Variants in ANKRD42 observed in about 807,000 individuals in gnomAD.
ANKRD42 encodes ankyrin repeat domain-containing protein 42.
ANKRD42 carries 43 observed loss-of-function variants against 51.5 expected under a neutral mutation model. That is an observed-to-expected ratio of 0.83 (90% CI 0.65 to 1.08). The LOEUF is 1.08. ANKRD42 is among the 50% of genes least tolerant of loss of function. The pLI is 0.00. For synonymous variants in ANKRD42, 203 were observed against 213.0 expected (o/e 0.95, Z 0.41); for missense variants, 608 against 629.3 (o/e 0.97, Z 0.36).
At chr11:83,262,493 A>G (rs1460522353), downstream of ANKRD42, among the ~76,000 whole-genome samples, 1 of 152,190 alleles carries the variant, frequency 6.6e-6, no homozygotes, top group Non-Finnish European at 1.5e-5. Context: ...AATAGTTAAT[A>G]TACTACCTGT....
chr11:83,254,585 C>T (rs938869969), intron 11 of ANKRD42, among the ~76,000 whole-genome samples: 2 of 152,054 alleles, frequency 1.3e-5, no homozygotes, highest in African/African-American at 4.8e-5. Context: ...GTGTGCAGGA[C>T]AAGCCCAGCT....
At chr11:83,219,839 A>G (rs1358615046) in intron 5 of ANKRD42, among the ~76,000 whole-genome samples, 2 of 152,170 alleles carry the variant, frequency 1.3e-5, no homozygotes, top group Non-Finnish European at 2.9e-5. Flanking sequence ...ACCATACGCT[A>G]TGGTAGGGAA....
chr11:83,230,621 C>T (rs60066757), intron 7 of ANKRD42, among the ~76,000 whole-genome samples: 1,525 of 151,530 alleles, frequency 0.01, 28 homozygotes, highest in African/African-American at 0.034. Context: ...GAGTCTCACT[C>T]GGTCGCCCAG....
chr11:83,212,915 A>T (rs1199215200), intron 5 of ANKRD42: 72 of 1,420,194 alleles, frequency 5.1e-5, no homozygotes, highest in South Asian at 1.6e-4. Context: ...TTTTTTTTTT[A>T]AAGTAAAATT....
At chr11:83,227,960 A>C (rs1862942241) in intron 7 of ANKRD42, 88 bp downstream of exon 7, 1 of 1,461,082 alleles carries the variant, frequency 6.8e-7, no homozygotes, top group Non-Finnish European at 9.1e-7. Context: ...AAACACATGA[A>C]ACATGAAACT....
intron 8 of ANKRD42, 144 bp downstream of exon 8, chr11:83,236,653 T>C (rs531798988): frequency 6.8e-6 from 4 of 586,376 alleles, no homozygotes; most frequent in Non-Finnish European, 1.2e-5. Flanking sequence ...TCAAGCTGAA[T>C]TGACAGCTGC....
intron 2 of ANKRD42, among the ~76,000 whole-genome samples, chr11:83,200,534 A>G (rs1358767743): frequency 6.6e-6 from 1 of 152,206 alleles, no homozygotes; most frequent in South Asian, 2.1e-4. Context: ...AGTATTTCAT[A>G]TAATCAAAAC....
chr11:83,252,470 A>G (rs188922749), downstream of ANKRD42, among the ~76,000 whole-genome samples: 1 of 152,254 alleles, frequency 6.6e-6, no homozygotes, highest in Non-Finnish European at 1.5e-5. Flanking sequence ...AGTAAGAATC[A>G]ATACATTTTG....
intron 7 of ANKRD42, among the ~76,000 whole-genome samples, chr11:83,232,106 T>A (rs1347988747): frequency 2.1e-5 from 1 of 47,324 alleles, no homozygotes; most frequent in Non-Finnish European, 4.2e-5. Context: ...TTTAGCTTTT[T>A]TTTTTTTTTT....
At chr11:83,242,576 T>TTGTTTG (rs1565196082) in intron 9 of ANKRD42, among the ~76,000 whole-genome samples, 1 of 145,038 alleles carries the variant, frequency 6.9e-6, no homozygotes, top group East Asian at 2.0e-4. Context: ...AGTTTTTTTT[T>TTGTTTG]TTTTTTTTTA....
In ANKRD42 at chr11:83,193,952, G is replaced by C. The variant is rs1861516423; in HGVS notation, c.-719G>C. On this transcript the variant is annotated 5_prime_UTR_variant, in exon 1 of 11. The change abolishes an upstream ATG in the 5' untranslated region. Coordinates refer to ENST00000533342, the MANE Select transcript of ANKRD42 (RefSeq NM_001300975.2). ...GTTAGCGACGACGGGGAAAGAAAAT[G>C]TGAAGAGAGCGACCGCCGCTCCAGG... is the stretch of plus-strand genomic sequence containing the variant. The C allele has an allele frequency of 6.6e-6, 3 of 456,170 alleles. No homozygotes were observed. Among genetic ancestry groups the C allele is most frequent in the Non-Finnish European group, 1.3e-5 (3 of 226,686 alleles). The allele number at this position is 456,170 out of a possible 1,614,324, so 28.3% of individuals were successfully genotyped here.
intron 2 of ANKRD42, among the ~76,000 whole-genome samples, chr11:83,204,421 C>G (rs1565176826): frequency 6.6e-6 from 1 of 151,954 alleles, no homozygotes; most frequent in Non-Finnish European, 1.5e-5. Flanking sequence ...ATATGTGGGA[C>G]CTAAATATTG....
chr11:83,202,665 G>A (rs1296516719), intron 2 of ANKRD42, among the ~76,000 whole-genome samples: 1 of 152,062 alleles, frequency 6.6e-6, no homozygotes, highest in Admixed American at 6.5e-5. Context: ...GTACCCACTT[G>A]GTAAAGCTTT....
intron 7 of ANKRD42, among the ~76,000 whole-genome samples, chr11:83,228,791 A>C (rs762106258): frequency 6.6e-6 from 1 of 152,254 alleles, no homozygotes; most frequent in South Asian, 2.1e-4. Context: ...GTTTTCTCCT[A>C]CACAGAGAGA....
intron 2 of ANKRD42, among the ~76,000 whole-genome samples, chr11:83,199,356 C>G (rs895027376): frequency 2.9e-4 from 44 of 152,086 alleles, no homozygotes; most frequent in African/African-American, 8.9e-4. Context: ...TTTTGAATGA[C>G]ATACATTATA....
chr11:83,208,669 C>T (rs966401092), intron 3 of ANKRD42, among the ~76,000 whole-genome samples: 7 of 151,942 alleles, frequency 4.6e-5, no homozygotes, highest in African/African-American at 1.7e-4. Flanking sequence ...AATTTTGAGT[C>T]AGAATAACAG....
At chr11:83,243,690 G>A (rs1232818556) in intron 9 of ANKRD42, among the ~76,000 whole-genome samples, 4 of 152,086 alleles carry the variant, frequency 2.6e-5, no homozygotes, top group African/African-American at 9.7e-5. Context: ...TTGAGACGGA[G>A]TCTTGCTCTT....
At chr11:83,202,653 C>T (rs751418776) in intron 2 of ANKRD42, among the ~76,000 whole-genome samples, 15 of 152,198 alleles carry the variant, frequency 9.9e-5, no homozygotes, top group Non-Finnish European at 2.1e-4. Flanking sequence ...CCAGGTCAGT[C>T]AGTACCCACT....
At chr11:83,212,625 G>A (rs1475641084) in intron 5 of ANKRD42, 1 of 1,496,334 alleles carries the variant, frequency 6.7e-7, no homozygotes, top group African/African-American at 1.4e-5. Flanking sequence ...AATATGAACA[G>A]GCCTGATCAA....
Sources: gnomAD v4.1 joint callset for allele counts (sites outside exome capture counted in the v4.1 genomes callset) on GRCh38, gnomAD v4.1.1 for gene constraint, MANE v1.5 for transcripts, NCBI Gene and HGNC (gene_info 2026-07-23, HGNC 2026-07-21) for gene names.